B3GALT1: variants seen among roughly 807,000 people sequenced by gnomAD.
B3GALT1 encodes beta-1,3-galactosyltransferase 1, also known as UDP-Gal:betaGlcNAc beta 1,3-galactosyltransferase, polypeptide 1.
B3GALT1 carries 10 observed loss-of-function variants against 23.2 expected under a neutral mutation model. That is an observed-to-expected ratio of 0.43 (90% CI 0.27 to 0.73). The LOEUF (loss-of-function observed/expected upper bound fraction) is 0.73. Among genes scored for constraint, B3GALT1 ranks in the 30% least tolerant of loss-of-function variants. The probability of loss-of-function intolerance (pLI) is 0.21; values close to 1 mark genes in which losing one functional copy is unlikely to be tolerated. For synonymous variants in B3GALT1, 156 were observed against 141.5 expected (o/e 1.10, Z -0.73); for missense variants, 299 against 405.4 (o/e 0.74, Z 2.25).
intron 1 of B3GALT1, among the ~76,000 whole-genome samples, chr2:167,395,438 A>C (rs1698078902): frequency 6.6e-6 from 1 of 152,114 alleles, no homozygotes; most frequent in African/African-American, 2.4e-5. Context: ...AAGATGGAGA[A>C]AAGAACCATA....
intron 3 of B3GALT1, among the ~76,000 whole-genome samples, chr2:167,748,146 T>G (rs1361032642): frequency 6.6e-6 from 1 of 152,190 alleles, no homozygotes; most frequent in Non-Finnish European, 1.5e-5. Context: ...TAGACTATGA[T>G]ACGAGCTCTC....
chr2:167,526,405 C>A (rs1196121564), intron 2 of B3GALT1, among the ~76,000 whole-genome samples: 1 of 152,256 alleles, frequency 6.6e-6, no homozygotes, highest in South Asian at 2.1e-4. Flanking sequence ...TTCAACCCCA[C>A]AACAAACATA....
chr2:167,447,368 A>G (rs1336445617), intron 1 of B3GALT1, among the ~76,000 whole-genome samples: 1 of 152,148 alleles, frequency 6.6e-6, no homozygotes, highest in Non-Finnish European at 1.5e-5. Context: ...GTGCTTGGAG[A>G]ACCACTACTC....
intron 2 of B3GALT1, among the ~76,000 whole-genome samples, chr2:167,585,503 A>G (rs1684571290): frequency 6.6e-6 from 1 of 152,252 alleles, no homozygotes; most frequent in African/African-American, 2.4e-5. Context: ...CAAATTAGAT[A>G]TAACTACACA....
chr2:167,867,135 C>T (rs1295743947), intron 4 of B3GALT1, among the ~76,000 whole-genome samples: 3 of 152,132 alleles, frequency 2.0e-5, no homozygotes, highest in South Asian at 4.1e-4. Flanking sequence ...ACCGTTTTAG[C>T]CAGGATGGTC....
Position 167,560,558 on chromosome 2 carries a change from C to T in B3GALT1, c.-410+70281C>T, listed in dbSNP as rs369361033. On this transcript the variant is annotated intron_variant, in intron 2 of 4. Coordinates refer to ENST00000392690, the MANE Select transcript of B3GALT1 (RefSeq NM_020981.4). ...CCATCAGCATGCTGTATTCAGGAAA[C>T]GCATCTCATGTGCAGAGACACACAT... Among the ~76,000 whole-genome samples, 117 of 152,194 alleles carry T rather than the reference C, an allele frequency of 7.7e-4. 1 individual carries two copies. The highest frequency in any genetic ancestry group is 8.3e-4 in the South Asian group (4 of 4,820).
At chr2:167,713,895 C>T (rs1477641473) in intron 3 of B3GALT1, 1 of 1,582,822 alleles carries the variant, frequency 6.3e-7, no homozygotes, top group African/African-American at 1.3e-5. Context: ...AACATGGTTC[C>T]TGGAGGAGGT....
intron 2 of B3GALT1, among the ~76,000 whole-genome samples, chr2:167,620,610 G>A (rs1685237970): frequency 6.6e-6 from 1 of 151,986 alleles, no homozygotes; most frequent in Admixed American, 6.6e-5. Flanking sequence ...CAAAACTTGT[G>A]GCACTTTCAC....
intron 3 of B3GALT1, among the ~76,000 whole-genome samples, chr2:167,651,249 T>A (rs1176343110): frequency 1.0e-4 from 1 of 9,818 alleles, no homozygotes; most frequent in Non-Finnish European, 2.8e-3. Context: ...TGTGTGTGTG[T>A]GTGTGTGTGT....
chr2:167,451,237 C>G (rs966389689), intron 1 of B3GALT1, among the ~76,000 whole-genome samples: 1 of 151,974 alleles, frequency 6.6e-6, no homozygotes, highest in Non-Finnish European at 1.5e-5. Flanking sequence ...TGCTGGTGAG[C>G]TAGTGTGATT....
intron 3 of B3GALT1, among the ~76,000 whole-genome samples, chr2:167,732,677 C>T (rs1342217580): frequency 1.3e-5 from 2 of 152,158 alleles, no homozygotes; most frequent in Admixed American, 1.3e-4. Context: ...GTAAATGTTT[C>T]CTCTGAATTG....
chr2:167,296,698 ATG>A (rs1696356608), intron 1 of B3GALT1, among the ~76,000 whole-genome samples: 1 of 152,172 alleles, frequency 6.6e-6, no homozygotes, highest in African/African-American at 2.4e-5. Flanking sequence ...TGTTCCTACT[ATG>A]TGCAAAATAC....
intron 1 of B3GALT1, among the ~76,000 whole-genome samples, chr2:167,341,430 G>A (rs1697144183): frequency 6.6e-6 from 1 of 152,196 alleles, no homozygotes; most frequent in South Asian, 2.1e-4. Context: ...GGGAGGCCAA[G>A]GTGGGCAGAA....
chr2:167,336,806 CT>C, intron 1 of B3GALT1, among the ~76,000 whole-genome samples: 1 of 152,142 alleles, frequency 6.6e-6, no homozygotes, highest in South Asian at 2.1e-4. Context: ...CCTATAATAA[CT>C]TTTACAGTTC....
At chr2:167,570,272 T>A (rs550642937) in intron 2 of B3GALT1, among the ~76,000 whole-genome samples, 2 of 152,006 alleles carry the variant, frequency 1.3e-5, no homozygotes, top group East Asian at 3.9e-4. Context: ...GTAGAATTCA[T>A]CAGTGAACTC....
intron 3 of B3GALT1, among the ~76,000 whole-genome samples, chr2:167,731,798 T>C (rs185838465): frequency 5.3e-5 from 8 of 152,348 alleles, no homozygotes; most frequent in African/African-American, 1.7e-4. Context: ...GATCATGGAC[T>C]GTCCTCTCAA....
chr2:167,722,515 T>C (rs186943275), intron 3 of B3GALT1, among the ~76,000 whole-genome samples: 3 of 152,278 alleles, frequency 2.0e-5, no homozygotes, highest in Non-Finnish European at 4.4e-5. Flanking sequence ...TTTAATTAAC[T>C]TTCTATGTCC....
intron 3 of B3GALT1, among the ~76,000 whole-genome samples, chr2:167,791,160 G>C (rs2105329204): frequency 6.6e-6 from 1 of 152,184 alleles, no homozygotes; most frequent in Admixed American, 6.5e-5. Context: ...TCTATAGATA[G>C]GCATTATCAT....
At chr2:167,313,888 G>T (rs1224332499) in intron 1 of B3GALT1, among the ~76,000 whole-genome samples, 1 of 152,090 alleles carries the variant, frequency 6.6e-6, no homozygotes, top group East Asian at 1.9e-4. Context: ...AGTAAAACTT[G>T]TCTCTTGATT....
Sources: allele counts gnomAD v4.1 joint callset (sites outside exome capture counted in the v4.1 genomes callset), GRCh38; gene constraint gnomAD v4.1.1; transcripts MANE v1.5; gene names NCBI Gene and HGNC (gene_info 2026-07-23, HGNC 2026-07-21).